TTN: variants seen among roughly 807,000 people sequenced by gnomAD.
The protein encoded by TTN is connectin.
In TTN, 1,525 loss-of-function variants were observed where a neutral mutation model predicts 3,223.0. The observed-to-expected ratio is 0.47, with a 90% CI of 0.45 to 0.49. The LOEUF (loss-of-function observed/expected upper bound fraction) is 0.49. Among genes scored for constraint, TTN ranks in the 20% least tolerant of loss-of-function variants. The pLI is 0.00. For synonymous variants in TTN, 14,094 were observed against 15,161.0 expected, an observed-to-expected ratio of 0.93 and a Z score of 5.17; for missense variants, 40,786 against 43,424.0, an observed-to-expected ratio of 0.94 and a Z score of 5.40.
At chr2:178,804,684 T>C (rs1392561580) in intron 1 of TTN, 29 bp from the exon 2 acceptor site, 1 of 1,602,174 alleles carries the variant, frequency 6.2e-7, no homozygotes, top group East Asian at 2.2e-5. Context: ...TAAATTAGGG[T>C]GTCCCAGCTA....
rs780534846 is a variant in TTN at position 178,723,426 on chromosome 2, A to G, written c.21674T>C (p.Phe7225Ser). The change falls in exon 74 of 363, where the codon TTT becomes TCT. Residue 7225 changes from phenylalanine to serine, a missense_variant. Transcript: ENST00000589042. Reference protein sequence around the residue: ...AGQASCTTRLFVKEPAAFLKR... With the variant: ...AGQASCTTRLSVKEPAAFLKR... ...AATCCACTTGAGCAAACCTTTCACA[A>G]AGAGACGGGTAGTGCAAGATGCTTG... 2.5e-6 allele frequency: 4 copies of G among 1,610,862 alleles called. No individual in the cohort carries two copies. Among genetic ancestry groups the G allele is most frequent in the South Asian group, 2.2e-5 (2 of 90,612 alleles).
At position 178,650,233 on chromosome 2, in the gene TTN, T is replaced by A; in HGVS notation, c.39748A>T (p.Ile13250Phe). Residue 13250 changes from isoleucine (I) to phenylalanine (F), a missense_variant, in exon 210 of 363, where the codon ATT (isoleucine) becomes TTT (phenylalanine). Physicochemically the swap from Ile to Phe is conservative, Grantham distance 21. Coordinates refer to ENST00000589042, the MANE Select transcript of TTN (RefSeq NM_001267550.2). ...ACTGGCTTTTCCTCTTCAGGAGCAA[T>A]TTCCTCTTCAGGAGCAATTTCCTCA... ...EPEEIAPEEEIAPEEEKPVPV... is the reference protein window; with the variant it reads ...EPEEIAPEEEFAPEEEKPVPV... 6.3e-7 allele frequency: 1 copy of A among 1,586,938 alleles called. No individual in the cohort carries two copies.
chr2:178,602,669 ATATAT>A, intron 282 of TTN, 79 bp from the exon 283 acceptor site: 1 of 1,080,930 alleles, frequency 9.3e-7, no homozygotes, highest in Middle Eastern at 3.2e-4. Context: ...ACACATGATC[ATATAT>A]TATTTTAATC....
rs775070186 is a variant in TTN at position 178,778,900 on chromosome 2, G to A, written c.4182C>T (p.Pro1394=). The A allele has an allele frequency of 6.2e-7, 1 of 1,613,940 alleles. No homozygotes were observed. Among genetic ancestry groups the A allele is most frequent in the South Asian group, 1.1e-5 (1 of 91,088 alleles). Residue 1394 remains proline (P), a synonymous_variant, in exon 24 of 363, where the codon CCC becomes CCT. Transcript: ENST00000589042. The stretch of plus-strand genomic sequence containing the variant: ...TGATTCTGCTCACTGGCTCTAGTGT[G>A]GGAATGTAAGTCGGAGCTCCAAGTG... ...AAPLGAPTYI[P]TLEPVSRIRS...
rs768288835 is a variant in TTN at position 178,572,139 on chromosome 2, T to C, written c.73993A>G (p.Thr24665Ala). ...TCAGTGACCTTGACTGTGGCACACGTGGCCCATTTGTCACTGCCTTTGGTC... is the reference window on the plus strand; with the variant it reads ...TCAGTGACCTTGACTGTGGCACACGCGGCCCATTTGTCACTGCCTTTGGTC... ...MQTKGSDKWA[T>A]CATVKVTEAT... The change falls in exon 326 of 363, where the codon ACG becomes GCG. Residue 24665 changes from threonine (T) to alanine (A), a missense_variant. Thr to Ala is a moderately conservative substitution (Grantham distance 58). Transcript: ENST00000589042. 1 of 1,613,396 alleles carries C rather than the reference T, an allele frequency of 6.2e-7. No homozygotes were observed. Among genetic ancestry groups the C allele is most frequent in the Admixed American group, 1.7e-5 (1 of 59,986 alleles).
Position 178,563,135 on chromosome 2 carries a change from G to C in TTN, c.82997C>G (p.Ala27666Gly). The change falls in exon 326 of 363, where the codon GCT (alanine) becomes GGT (glycine). Residue 27666 changes from alanine (A) to glycine (G), a missense_variant. Ala to Gly is a moderately conservative substitution (Grantham distance 60, BLOSUM62 0). Coordinates refer to ENST00000589042, the MANE Select transcript of TTN (RefSeq NM_001267550.2). This position sits in a 1 kb window ranked among gnomAD's most constrained non-coding sequence, Gnocchi z 4.5. ...TTCTGGTGGCTCTATCCTCTCCTGA[G>C]CAACCACTGAGCCAGGTAGAGTTGC... ...EPATLPGSVV[A>G]QERIEPPEIE... 1 of 1,613,698 alleles carries C rather than the reference G, an allele frequency of 6.2e-7. No homozygotes were observed. The highest frequency in any genetic ancestry group is 8.5e-7 in the Non-Finnish European group (1 of 1,179,710).
At position 178,666,952 on chromosome 2, in the gene TTN, G is replaced by C. The variant is rs923470206; in HGVS notation, c.35798-51C>G. The C allele has an allele frequency of 5.4e-6, 7 of 1,303,744 alleles. No individual in the cohort carries two copies. The African/African-American group carries it at 1.1e-4, about 20-fold the overall frequency. 80.8% of individuals were successfully genotyped at this position (1,303,744 alleles called of 1,614,324 possible). A position where few individuals can be genotyped will look rare whatever the true frequency, so the allele number is the denominator to read the frequency against. On this transcript the variant is annotated intron_variant, in intron 162 of 362. Transcript: ENST00000589042. The stretch of plus-strand genomic sequence containing the variant: ...AATTGAGAAAAGGCAAAGGCATAAA[G>C]ACATGACATACTAAGAAAGTTAGAT...
chr2:178,709,916 C>G, intron 98 of TTN, 60 bp from the exon 99 acceptor site: 1 of 1,500,234 alleles, frequency 6.7e-7, no homozygotes, highest in Non-Finnish European at 8.9e-7. Flanking sequence ...TAATATGAAG[C>G]TTTTCAAGAA....
chr2:178,780,239 C>T lies in TTN; in HGVS notation c.3524-34G>A, dbSNP rs764716028. 9 of 1,564,996 alleles carry T rather than the reference C, an allele frequency of 5.8e-6. No homozygotes were observed. In the African/African-American group the frequency reaches 6.8e-5, roughly 12 times the overall value. ...TAAGAACATCAGTTAATTTTTAATG[C>T]TCTTATTAGAAAACAGTCATACCAC... On this transcript the variant is annotated intron_variant, in intron 21 of 362. Coordinates refer to ENST00000589042, the MANE Select transcript of TTN (RefSeq NM_001267550.2).
chr2:178,727,390 G>A lies in TTN; in HGVS notation c.19994-19C>T. The A allele has an allele frequency of 6.4e-7, 1 of 1,560,336 alleles. No individual in the cohort carries two copies. Among genetic ancestry groups the A allele is most frequent in the Non-Finnish European group, 8.7e-7 (1 of 1,155,876 alleles). ...GGTGGTTCTAAAGAGTCAGGAAAGA[G>A]GAGAGTATCAGGGAACAGAAATAAA... is the stretch of plus-strand genomic sequence containing the variant. On this transcript the variant is annotated intron_variant, in intron 68 of 362. Transcript: ENST00000589042.
chr2:178,701,611 A>G (rs767561247), intron 109 of TTN, 24 bp from the exon 110 acceptor site: 80 of 1,608,574 alleles, frequency 5.0e-5, no homozygotes, highest in Non-Finnish European at 1.2e-5. Flanking sequence ...TGTAATAAGC[A>G]TAGAGAGACT....
Position 178,536,945 on chromosome 2 carries a change from A to C in TTN, c.100164T>G (p.Ser33388Arg). Residue 33388 changes from serine to arginine, a missense_variant, in exon 356 of 363, where the codon AGT (serine) becomes AGG (arginine). Ser to Arg is a moderately radical substitution (Grantham distance 110). Transcript: ENST00000589042. ...LEVSSVVIIK[S>R]PFEKPGAPGK... ...AAATCAAGTTGTACTCACCAAATGG[A>C]CTCTTAATGATCACAACTGAGGACA... is the stretch of plus-strand genomic sequence containing the variant. The C allele has an allele frequency of 1.2e-6, 2 of 1,602,380 alleles. No homozygotes were observed. The highest frequency in any genetic ancestry group is 1.7e-6 in the Non-Finnish European group (2 of 1,171,642).
intron 78 of TTN, among the ~76,000 whole-genome samples, chr2:178,721,488 T>A (rs1000837533): frequency 1.3e-5 from 2 of 151,980 alleles, no homozygotes; most frequent in African/African-American, 4.8e-5. Context: ...TTTGACTATG[T>A]AAGTTAAAAC....
Position 178,577,730 on chromosome 2 carries a change from C to T in TTN, c.68696G>A (p.Cys22899Tyr). 1 of 1,613,378 alleles carries T rather than the reference C, an allele frequency of 6.2e-7. No homozygotes were observed. Among genetic ancestry groups the T allele is most frequent in the South Asian group, 1.1e-5 (1 of 91,040 alleles). ...AACAAGGTCAGTTACAGTAAAGGCA[C>T]ATTCTGGGACATTAACATGGTTGGC... is the stretch of plus-strand genomic sequence containing the variant. ...MKANHVNVPE[C>Y]AFTVTDLVEG... Residue 22899 changes from cysteine to tyrosine, a missense_variant, in exon 323 of 363, where the codon TGT becomes TAT. By Grantham distance (194) the Cys-to-Tyr change is radical. Transcript: ENST00000589042.
intron 180 of TTN, among the ~76,000 whole-genome samples, chr2:178,660,860 C>T (rs1348941741): frequency 3.9e-5 from 5 of 129,144 alleles, no homozygotes; most frequent in Admixed American, 8.1e-5. Context: ...AACAAGTGGG[C>T]GAAGGATACA....
Position 178,640,086 on chromosome 2 carries a change from G to C in TTN, c.40748C>G (p.Pro13583Arg), listed in dbSNP as rs780155095. The stretch of plus-strand genomic sequence containing the variant: ...TGGTTTCGGTTCAGGTGCAGGGAGA[G>C]GTATTGCTGGCTTGATTTCAGGCAC... ...TKVPEIKPAI[P>R]LPAPEPKPKP... Residue 13583 changes from proline to arginine, a missense_variant, in exon 222 of 363, where the codon CCT becomes CGT. Physicochemically the swap from Pro to Arg is moderately radical, Grantham distance 103. Coordinates refer to ENST00000589042, the MANE Select transcript of TTN (RefSeq NM_001267550.2). 3.1e-6 allele frequency: 5 copies of C among 1,611,982 alleles called. No homozygotes were observed. In the South Asian group the frequency reaches 4.4e-5, roughly 14 times the overall value.
intron 87 of TTN, 23 bp from the exon 88 acceptor site, chr2:178,717,405 T>A: frequency 1.9e-6 from 3 of 1,589,644 alleles, no homozygotes; most frequent in African/African-American, 1.4e-5. Context: ...AAGACCAACA[T>A]GGTGATTTTT....
Position 178,591,045 on chromosome 2 carries a change from C to T in TTN, c.60680G>A (p.Ser20227Asn). Residue 20227 changes from serine (S) to asparagine (N), a missense_variant, in exon 304 of 363, where the codon AGT becomes AAT. Physicochemically the swap from Ser to Asn is conservative, Grantham distance 46. Transcript: ENST00000589042. Reference sequence around the variant, plus strand: ...ATGTGGGATTTTCAGCTTTGTCTTACTGCTTCCGGAAGAGACAACACCCCA... The same window carrying T: ...ATGTGGGATTTTCAGCTTTGTCTTATTGCTTCCGGAAGAGACAACACCCCA... ...DTWGVVSSGSSKTKLKIPHLQ... is the reference protein window; with the variant it reads ...DTWGVVSSGSNKTKLKIPHLQ... 2 of 1,613,450 alleles carry T rather than the reference C, an allele frequency of 1.2e-6. No homozygotes were observed. Among genetic ancestry groups the T allele is most frequent in the Non-Finnish European group, 1.7e-6 (2 of 1,179,570 alleles).
At position 178,664,674 on chromosome 2, in the gene TTN, G is replaced by C; in HGVS notation, c.36182C>G (p.Pro12061Arg). 6.2e-7 allele frequency: 1 copy of C among 1,612,526 alleles called. No homozygotes were observed. Among genetic ancestry groups the C allele is most frequent in the Non-Finnish European group, 8.5e-7 (1 of 1,179,704 alleles). ...KKTLVVPLRK[P>R]EVLPDEVPEA... ...TATACCTTCATCAGGAAGGACTTCA[G>C]GCTTTCTGAGAGGAACCACAAGCGT... is the stretch of plus-strand genomic sequence containing the variant. The change falls in exon 167 of 363, where the codon CCT becomes CGT. Residue 12061 changes from proline (P) to arginine (R), a missense_variant. Physicochemically the swap from Pro to Arg is moderately radical, Grantham distance 103. Coordinates refer to ENST00000589042, the MANE Select transcript of TTN (RefSeq NM_001267550.2).
Sources: gnomAD v4.1 joint callset for allele counts (sites outside exome capture counted in the v4.1 genomes callset) on GRCh38, gnomAD v4.1.1 for gene constraint, Gnocchi (gnomAD v3.1) non-coding constraint, MANE v1.5 for transcripts, NCBI Gene and HGNC (gene_info 2026-07-23, HGNC 2026-07-21) for gene names.